Variants in CLCC1 observed in about 807,000 individuals in gnomAD.
The protein encoded by CLCC1 is chloride channel CLIC-like protein 1.
In CLCC1, 39 loss-of-function variants were observed where a neutral mutation model predicts 63.3. That is an observed-to-expected ratio of 0.62 (90% CI 0.48 to 0.81). The LOEUF is 0.81. Among genes scored for constraint, CLCC1 ranks in the 30% least tolerant of loss-of-function variants. The pLI is 0.00. For missense variants in CLCC1, 549 were observed against 669.4 expected, an observed-to-expected ratio of 0.82 and a Z score of 1.98; for synonymous variants, 217 against 239.8, an observed-to-expected ratio of 0.90 and a Z score of 0.88.
rs1000263693 is a variant in CLCC1 at position 108,930,073 on chromosome 1, T to C, written c.*2474A>G. 3.2e-5 allele frequency: 27 copies of C among 843,386 alleles called. No individual in the cohort carries two copies. The highest frequency in any genetic ancestry group is 5.0e-5 in the Non-Finnish European group (27 of 540,218). The allele number at this position is 843,386 out of a possible 1,614,324, so 52.2% of individuals were successfully genotyped here. A position where few individuals can be genotyped will look rare whatever the true frequency, so the allele number is the denominator to read the frequency against. Reference sequence around the variant, plus strand: ...TTAGAATGATGTAAATAGTTAACCTTCAGTAGTCTATTAAGGCATTAATAC... The same window carrying C: ...TTAGAATGATGTAAATAGTTAACCTCCAGTAGTCTATTAAGGCATTAATAC... On this transcript the variant is annotated 3_prime_UTR_variant, in exon 13 of 13. Transcript: ENST00000369969.
chr1:108,941,304 G>T, intron 8 of CLCC1, 101 bp downstream of exon 8: 1 of 1,059,634 alleles, frequency 9.4e-7, no homozygotes, highest in Non-Finnish European at 1.4e-6. Flanking sequence ...TAAAGATTCA[G>T]TCATGGAAAG....
intron 7 of CLCC1, 73 bp downstream of exon 7, chr1:108,943,402 C>G: frequency 2.7e-6 from 4 of 1,497,532 alleles, no homozygotes; most frequent in African/African-American, 1.4e-5. Context: ...CAAGATTGCT[C>G]TCAATGGATT....
intron 2 of CLCC1, among the ~76,000 whole-genome samples, chr1:108,951,723 TTGCAAATACA>T (rs1254597376): frequency 1.3e-5 from 2 of 152,038 alleles, no homozygotes; most frequent in African/African-American, 4.8e-5. Flanking sequence ...ATAATAATGG[TTGCAAATACA>T]TGCAAATATA....
intron 2 of CLCC1, among the ~76,000 whole-genome samples, chr1:108,952,307 T>C (rs1475013236): frequency 6.6e-6 from 1 of 152,146 alleles, no homozygotes. Flanking sequence ...GCCTCCCAAG[T>C]GGCTGGAATT....
chr1:108,939,280 A>G (rs1021348148), intron 10 of CLCC1, among the ~76,000 whole-genome samples: 3 of 146,378 alleles, frequency 2.0e-5, no homozygotes, highest in Non-Finnish European at 4.5e-5. Flanking sequence ...ATATATATAG[A>G]TAGATATATA....
In CLCC1 at chr1:108,931,282, T is replaced by C; in HGVS notation, c.*1265A>G. On this transcript the variant is annotated 3_prime_UTR_variant, in exon 13 of 13. Transcript: ENST00000369969. ...AGAAAGATGTCAGCTAGAACCTTAGTTGTCATTAAGCTTTGTCTTCCTTAT... is the reference window on the plus strand; with the variant it reads ...AGAAAGATGTCAGCTAGAACCTTAGCTGTCATTAAGCTTTGTCTTCCTTAT... The C allele has an allele frequency of 6.6e-7, 1 of 1,511,172 alleles. No individual in the cohort carries two copies. Among genetic ancestry groups the C allele is most frequent in the Non-Finnish European group, 8.9e-7 (1 of 1,127,944 alleles). 93.6% of individuals were successfully genotyped at this position (1,511,172 alleles called of 1,614,324 possible).
chr1:108,949,512 G>A (rs1032832150), intron 4 of CLCC1, among the ~76,000 whole-genome samples: 12 of 152,146 alleles, frequency 7.9e-5, no homozygotes, highest in Non-Finnish European at 1.2e-4. Flanking sequence ...TCAGCCCTGT[G>A]ATAGGTGACA....
At chr1:108,954,744 G>A (rs986313068) in intron 2 of CLCC1, among the ~76,000 whole-genome samples, 3 of 150,934 alleles carry the variant, frequency 2.0e-5, no homozygotes, top group Admixed American at 6.6e-5. Flanking sequence ...TGAGAATATG[G>A]TTGTGGAACG....
rs997846178 is a variant in CLCC1 at position 108,930,225 on chromosome 1, A to T, written c.*2322T>A. 1 of 328,774 alleles carries T rather than the reference A, an allele frequency of 3.0e-6. No individual in the cohort carries two copies. Among genetic ancestry groups the T allele is most frequent in the South Asian group, 6.9e-5 (1 of 14,588 alleles). 20.4% of individuals were successfully genotyped at this position (328,774 alleles called of 1,614,324 possible). A position where few individuals can be genotyped will look rare whatever the true frequency, so the allele number is the denominator to read the frequency against. On this transcript the variant is annotated 3_prime_UTR_variant, in exon 13 of 13. Transcript: ENST00000369969. The stretch of plus-strand genomic sequence containing the variant: ...TTTACCTAGTGTTTATAAAGTAGGA[A>T]GTTAAGTGAATCATAGATTAGAATT...
At chr1:108,937,997 T>C (rs1166575685) in intron 10 of CLCC1, among the ~76,000 whole-genome samples, 1 of 152,150 alleles carries the variant, frequency 6.6e-6, no homozygotes, top group Admixed American at 6.5e-5. Context: ...TACAAAGACA[T>C]TATTATTTGT....
rs1654117407 is a variant in CLCC1 at position 108,943,482 on chromosome 1, A to G, written c.695T>C (p.Leu232Ser). The change falls in exon 7 of 13, where the codon TTA (leucine) becomes TCA (serine). Residue 232 changes from leucine to serine, a missense_variant. By Grantham distance (145) the Leu-to-Ser change is moderately radical (BLOSUM62 -2). Coordinates refer to ENST00000369969, the MANE Select transcript of CLCC1 (RefSeq NM_001377458.1). ...CCTCCATCCATATAATACCTTATAT[A>G]AATACATCCAATTCCATCCCAAACT... Reference protein sequence around the residue: ...LFSLGWNWMYLYKLAFAQHQA... With the variant: ...LFSLGWNWMYSYKLAFAQHQA... 6.2e-7 allele frequency: 1 copy of G among 1,613,492 alleles called. No homozygotes were observed. Among genetic ancestry groups the G allele is most frequent in the East Asian group, 2.2e-5 (1 of 44,878 alleles).
In CLCC1 at chr1:108,943,185, G is replaced by C. The variant is rs558763536; in HGVS notation, c.702+290C>G. Reference sequence around the variant, plus strand: ...AGCCTCCCAAAATGCTGGGATTACAGGCATGAGCCACCACACCCAACCCAC... The same window carrying C: ...AGCCTCCCAAAATGCTGGGATTACACGCATGAGCCACCACACCCAACCCAC... On this transcript the variant is annotated intron_variant, in intron 7 of 12. Transcript: ENST00000369969. Among the ~76,000 whole-genome samples, 3 of 152,258 alleles carry C rather than the reference G, an allele frequency of 2.0e-5. No individual in the cohort carries two copies. The East Asian group carries it at 5.8e-4, about 29-fold the overall frequency.
intron 12 of CLCC1, chr1:108,934,049 T>C (rs1213214226): frequency 6.6e-6 from 1 of 152,250 alleles, no homozygotes; most frequent in African/African-American, 2.4e-5. Flanking sequence ...TAACAAGCTA[T>C]GTTATCTAAA....
Position 108,929,595 on chromosome 1 carries a change from A to C in CLCC1, c.*2952T>G. The C allele has an allele frequency of 1.0e-6, 1 of 980,976 alleles. No homozygotes were observed. Among genetic ancestry groups the C allele is most frequent in the Admixed American group, 1.9e-5 (1 of 53,306 alleles). The allele number at this position is 980,976 out of a possible 1,614,324, so 60.8% of individuals were successfully genotyped here. Reference sequence around the variant, plus strand: ...AAAGATTAATTTCTGAGAAGCCCCAAATAAAAGTTTACAACTGCGTTTTCT... The same window carrying C: ...AAAGATTAATTTCTGAGAAGCCCCACATAAAAGTTTACAACTGCGTTTTCT... On this transcript the variant is annotated 3_prime_UTR_variant, in exon 13 of 13. Transcript: ENST00000369969.
At chr1:108,959,511 G>C (rs506669) in intron 2 of CLCC1, among the ~76,000 whole-genome samples, 2,246 of 152,216 alleles carry the variant, frequency 0.015, 65 homozygotes, top group African/African-American at 0.05. Flanking sequence ...TCCAGCCACA[G>C]TACATAACTG....
At position 108,963,423 on chromosome 1, in the gene CLCC1, C is replaced by G. The variant is rs1263225439; in HGVS notation, c.-235G>C. 2.8e-6 allele frequency: 2 copies of G among 702,348 alleles called. No homozygotes were observed. Among genetic ancestry groups the G allele is most frequent in the African/African-American group, 1.7e-5 (1 of 57,266 alleles). 43.5% of individuals were successfully genotyped at this position (702,348 alleles called of 1,614,324 possible). On this transcript the variant is annotated 5_prime_UTR_variant, in exon 1 of 13. Transcript: ENST00000369969. ...TGCCCAGGCCGGCCGCAGAAGAGGTCGCACAGCTTGCCGCCGCCCAGGGTT... is the reference window on the plus strand; with the variant it reads ...TGCCCAGGCCGGCCGCAGAAGAGGTGGCACAGCTTGCCGCCGCCCAGGGTT...
At chr1:108,945,592 C>T (rs9728202) in intron 5 of CLCC1, among the ~76,000 whole-genome samples, 9,820 of 152,184 alleles carry the variant, frequency 0.065, 360 homozygotes, top group Non-Finnish European at 0.068. Context: ...TTCATAAATA[C>T]GGAATCTGTG....
At chr1:108,952,783 G>A (rs1308716311) in intron 2 of CLCC1, among the ~76,000 whole-genome samples, 8 of 150,728 alleles carry the variant, frequency 5.3e-5, no homozygotes, top group African/African-American at 2.0e-4. Context: ...CTGGGTGACA[G>A]AGTGAGACTC....
At chr1:108,954,851 T>TGTGA (rs1372044601) in intron 2 of CLCC1, among the ~76,000 whole-genome samples, 2 of 145,736 alleles carry the variant, frequency 1.4e-5, no homozygotes, top group South Asian at 2.1e-4. Context: ...TGTGTGTGTG[T>TGTGA]GACGGAGTTT....
Sources: gnomAD v4.1 joint callset for allele counts (sites outside exome capture counted in the v4.1 genomes callset) on GRCh38, gnomAD v4.1.1 for gene constraint, MANE v1.5 for transcripts, NCBI Gene and HGNC (gene_info 2026-07-23, HGNC 2026-07-21) for gene names.